Variants in CLYBL observed in about 807,000 individuals in gnomAD.
CLYBL encodes the protein citramalyl-CoA lyase, also known as citramalyl-CoA lyase, mitochondrial.
In CLYBL, 31 loss-of-function variants were observed where a neutral mutation model predicts 38.9. The ratio of observed to expected loss-of-function variants is 0.80; its 90% CI spans 0.60 to 1.08. The LOEUF (loss-of-function observed/expected upper bound fraction) is 1.08, where lower values mean the gene tolerates loss of function less well. Ranked by LOEUF, CLYBL falls within the 50% of genes least tolerant of loss-of-function variation. The pLI is 0.00. For synonymous variants in CLYBL, 171 were observed against 158.6 expected (o/e 1.08, Z -0.59); for missense variants, 434 against 411.6 (o/e 1.05, Z -0.47).
At chr13:99,863,175 C>A in intron 4 of CLYBL, 83 bp downstream of exon 4, 1 of 659,572 alleles carries the variant, frequency 1.5e-6, no homozygotes, top group East Asian at 2.9e-5. Flanking sequence ...TTAACATCTT[C>A]TTAAAATGTG....
At chr13:99,793,342 A>G in intron 2 of CLYBL, among the ~76,000 whole-genome samples, 1 of 152,160 alleles carries the variant, frequency 6.6e-6, no homozygotes, top group Middle Eastern at 3.2e-3. Context: ...TGCTTTTATT[A>G]AAAGACTTAA....
chr13:99,823,807 A>G (rs974380120), intron 2 of CLYBL, among the ~76,000 whole-genome samples: 3 of 152,068 alleles, frequency 2.0e-5, no homozygotes, highest in African/African-American at 7.2e-5. Flanking sequence ...CAAGTAACCT[A>G]TATGTTCTAT....
chr13:99,687,925 A>C (rs926805194), intron 1 of CLYBL, among the ~76,000 whole-genome samples: 1 of 152,224 alleles, frequency 6.6e-6, no homozygotes, highest in African/African-American at 2.4e-5. Flanking sequence ...GATCATGACT[A>C]AGCCCAGGAA....
chr13:99,801,367 A>C (rs2050133150), intron 2 of CLYBL, among the ~76,000 whole-genome samples: 1 of 152,214 alleles, frequency 6.6e-6, no homozygotes, highest in South Asian at 2.1e-4. Flanking sequence ...TAAATGAAAA[A>C]ATAGGTGTCC....
At chr13:99,893,646 C>A (rs1017172619), downstream of CLYBL, 16 of 152,552 alleles carry the variant, frequency 1.0e-4, no homozygotes, top group African/African-American at 3.9e-4. Context: ...GAAGGGCTTG[C>A]GTTCTAGTCT....
intron 2 of CLYBL, among the ~76,000 whole-genome samples, chr13:99,814,373 T>G (rs1192718016): frequency 2.0e-5 from 3 of 152,184 alleles, no homozygotes; most frequent in Non-Finnish European, 4.4e-5. Flanking sequence ...CATGGGAACT[T>G]AACCTCCTAG....
intron 1 of CLYBL, among the ~76,000 whole-genome samples, chr13:99,712,447 G>A (rs765810951): frequency 2.7e-5 from 4 of 148,658 alleles, no homozygotes; most frequent in East Asian, 2.1e-4. Context: ...CGATCCTCCC[G>A]CCTCAGCCTC....
intron 1 of CLYBL, among the ~76,000 whole-genome samples, chr13:99,684,895 A>T (rs998436996): frequency 6.6e-6 from 1 of 152,230 alleles, no homozygotes; most frequent in Non-Finnish European, 1.5e-5. Flanking sequence ...TATAAAGAAA[A>T]CAACCAGCCA....
At chr13:99,862,861 C>T in intron 3 of CLYBL, 130 bp from the exon 4 acceptor site, 1 of 430,026 alleles carries the variant, frequency 2.3e-6, no homozygotes. Flanking sequence ...TAAAAAAATT[C>T]TTTTGTGTGG....
intron 7 of CLYBL, among the ~76,000 whole-genome samples, chr13:99,884,112 C>A (rs2052284869): frequency 6.6e-6 from 1 of 152,180 alleles, no homozygotes; most frequent in South Asian, 2.1e-4. Flanking sequence ...CCCCACTCAG[C>A]CCAAGAGTGC....
intron 2 of CLYBL, among the ~76,000 whole-genome samples, chr13:99,804,887 A>G (rs918750705): frequency 2.0e-5 from 3 of 152,302 alleles, no homozygotes; most frequent in Admixed American, 1.3e-4. Context: ...CATCTTCCCC[A>G]GCAGAGACTT....
chr13:99,686,763 T>A (rs1379172809), intron 1 of CLYBL, among the ~76,000 whole-genome samples: 1 of 152,196 alleles, frequency 6.6e-6, no homozygotes, highest in East Asian at 1.9e-4. Context: ...ATTCAAATTT[T>A]CAACACAGCA....
At chr13:99,622,195 G>A (rs1231201841) in intron 1 of CLYBL, among the ~76,000 whole-genome samples, 2 of 152,210 alleles carry the variant, frequency 1.3e-5, no homozygotes, top group Admixed American at 6.5e-5. Context: ...GATAACCAGG[G>A]CCAGTCGCCC....
At chr13:99,690,933 C>T (rs766979660) in intron 1 of CLYBL, 25 of 152,172 alleles carry the variant, frequency 1.6e-4, no homozygotes, top group African/African-American at 4.8e-4. Flanking sequence ...TGAACAAAAG[C>T]GCTCTCTCAC....
At chr13:99,800,907 CAA>C (rs66941924) in intron 2 of CLYBL, among the ~76,000 whole-genome samples, 14 of 139,220 alleles carry the variant, frequency 1.0e-4, no homozygotes, top group Middle Eastern at 3.7e-3. Context: ...AAAAAAAAAA[CAA>C]AAAAAAAAAA....
chr13:99,679,594 G>C (rs1163703130), intron 1 of CLYBL, among the ~76,000 whole-genome samples: 1 of 152,092 alleles, frequency 6.6e-6, no homozygotes, highest in African/African-American at 2.4e-5. Flanking sequence ...ATGGTGATCT[G>C]AGTAATTATG....
chr13:99,906,329 TTTA>T (rs2052696948), intron 9 of CLYBL, among the ~76,000 whole-genome samples: 1 of 152,230 alleles, frequency 6.6e-6, no homozygotes, highest in Admixed American at 6.5e-5. Context: ...AAGATTTCAT[TTTA>T]TTGTTGTTTT....
intron 1 of CLYBL, among the ~76,000 whole-genome samples, chr13:99,674,372 G>A (rs182449875): frequency 6.6e-6 from 1 of 151,774 alleles, no homozygotes; most frequent in South Asian, 2.1e-4. Context: ...GGCTGGTCTC[G>A]AACTCCTGAC....
chr13:99,787,188 G>T (rs2138869735), intron 2 of CLYBL, among the ~76,000 whole-genome samples: 1 of 152,160 alleles, frequency 6.6e-6, no homozygotes, highest in African/African-American at 2.4e-5. Flanking sequence ...CTTTTGCTGT[G>T]CAGAAGCTCT....
Sources: allele counts gnomAD v4.1 joint callset (sites outside exome capture counted in the v4.1 genomes callset), GRCh38; gene constraint gnomAD v4.1.1; transcripts MANE v1.5; gene names NCBI Gene and HGNC (gene_info 2026-07-23, HGNC 2026-07-21).